CCDC148: variants seen among roughly 807,000 people sequenced by gnomAD.
The protein encoded by CCDC148 is coiled-coil domain-containing protein 148.
Under a neutral mutation model 85.7 loss-of-function variants are expected in CCDC148, and 89 were observed. The ratio of observed to expected loss-of-function variants is 1.04; its 90% CI spans 0.87 to 1.24. The LOEUF (loss-of-function observed/expected upper bound fraction) is 1.24, where lower values mean the gene tolerates loss of function less well. CCDC148 is among the 50% of genes most tolerant of loss of function. CCDC148 has a pLI of 0.00. For synonymous variants in CCDC148, 230 were observed against 213.9 expected (o/e 1.08, Z -0.66); for missense variants, 692 against 671.7 (o/e 1.03, Z -0.33).
intron 7 of CCDC148, among the ~76,000 whole-genome samples, chr2:158,331,007 C>T (rs918106026): frequency 2.0e-5 from 3 of 152,204 alleles, no homozygotes; most frequent in African/African-American, 7.2e-5. Context: ...TCTCTATTTC[C>T]TTCAGTTCTG....
In CCDC148 at chr2:158,403,256, T is replaced by C. The variant is rs192473842; in HGVS notation, c.26-44686A>G. Among the ~76,000 whole-genome samples the C allele has an allele frequency of 4.1e-4, 62 of 152,130 alleles. No individual in the cohort carries two copies. In the East Asian group the frequency reaches 9.1e-3, roughly 22 times the overall value. ...AAAATGTCTGTCAACTCCAATGATA[T>C]ATGATAGATTCACAGTAGATGTTGA... On this transcript the variant is annotated intron_variant, in intron 1 of 13. Coordinates refer to ENST00000283233, the MANE Select transcript of CCDC148 (RefSeq NM_138803.4).
At chr2:158,434,183 C>T (rs1023370022) in intron 1 of CCDC148, among the ~76,000 whole-genome samples, 1 of 152,184 alleles carries the variant, frequency 6.6e-6, no homozygotes, top group Non-Finnish European at 1.5e-5. Context: ...CAAGTGGGTC[C>T]CTGATCCCTG....
intron 9 of CCDC148, among the ~76,000 whole-genome samples, chr2:158,266,906 ACACACACATATATACATATATATG>A (rs745507750): frequency 2.7e-5 from 2 of 74,788 alleles, no homozygotes; most frequent in Non-Finnish European, 4.0e-5. Flanking sequence ...ATATATATAT[ACACACACATATATACATATATATG>A]CACACATATA....
chr2:158,336,407 T>G (rs988117439), intron 7 of CCDC148, among the ~76,000 whole-genome samples: 1 of 152,196 alleles, frequency 6.6e-6, no homozygotes, highest in Non-Finnish European at 1.5e-5. Flanking sequence ...ATATTTTCTT[T>G]AGTTGACATT....
intron 11 of CCDC148, among the ~76,000 whole-genome samples, chr2:158,216,291 T>C (rs1427234403): frequency 6.6e-6 from 1 of 152,024 alleles, no homozygotes. Context: ...TTTTTACATG[T>C]TTTATTTAAA....
At chr2:158,216,869 A>T (rs1332584724) in intron 11 of CCDC148, among the ~76,000 whole-genome samples, 2 of 152,186 alleles carry the variant, frequency 1.3e-5, no homozygotes. Flanking sequence ...CAGGCAGTGA[A>T]TGTGTTACAT....
chr2:158,209,764 G>T (rs34589603), intron 11 of CCDC148, among the ~76,000 whole-genome samples: 23,710 of 152,210 alleles, frequency 0.16, 2,398 homozygotes, highest in Middle Eastern at 0.24. Context: ...AGCTAATGCT[G>T]AGAGATTCTG....
At chr2:158,328,426 G>T (rs1257746318) in intron 7 of CCDC148, among the ~76,000 whole-genome samples, 1 of 152,138 alleles carries the variant, frequency 6.6e-6, no homozygotes, top group African/African-American at 2.4e-5. Context: ...TTGGACATCT[G>T]GGTTGGTTCC....
chr2:158,351,519 G>A (rs1269531702), intron 2 of CCDC148, among the ~76,000 whole-genome samples: 1 of 151,968 alleles, frequency 6.6e-6, no homozygotes, highest in African/African-American at 2.4e-5. Flanking sequence ...TTTTCCGACC[G>A]GCTTAAAAAC....
At chr2:158,351,637 C>T (rs903629294) in intron 2 of CCDC148, among the ~76,000 whole-genome samples, 3 of 152,132 alleles carry the variant, frequency 2.0e-5, no homozygotes, top group Non-Finnish European at 4.4e-5. Context: ...AAGGCGGCAG[C>T]GAGGCTGGGG....
At chr2:158,331,204 TTG>T (rs908227979) in intron 7 of CCDC148, among the ~76,000 whole-genome samples, 2 of 150,976 alleles carry the variant, frequency 1.3e-5, no homozygotes, top group African/African-American at 4.8e-5. Flanking sequence ...TTCTGGTAGG[TTG>T]TCTTTGTTCT....
chr2:158,328,475 C>CGT (rs1421175859), intron 7 of CCDC148, among the ~76,000 whole-genome samples: 1 of 152,086 alleles, frequency 6.6e-6, no homozygotes, highest in African/African-American at 2.4e-5. Context: ...AATAAACATA[C>CGT]GTGTGCATGT....
intron 8 of CCDC148, among the ~76,000 whole-genome samples, chr2:158,312,377 A>G (rs1315596418): frequency 6.6e-6 from 1 of 151,480 alleles, no homozygotes; most frequent in Non-Finnish European, 1.5e-5. Flanking sequence ...AGGTCAAGAG[A>G]TCGAGACCAT....
intron 1 of CCDC148, among the ~76,000 whole-genome samples, chr2:158,424,125 T>C (rs1374900696): frequency 1.3e-5 from 2 of 152,188 alleles, no homozygotes; most frequent in Non-Finnish European, 2.9e-5. Flanking sequence ...GGTGGGACTG[T>C]AAACTAGTTC....
At chr2:158,257,819 T>C (rs1386342718) in intron 9 of CCDC148, among the ~76,000 whole-genome samples, 1 of 151,880 alleles carries the variant, frequency 6.6e-6, no homozygotes, top group Admixed American at 6.6e-5. Flanking sequence ...CTAACCTTAG[T>C]GTAAAACAAA....
Position 158,340,376 on chromosome 2 carries a change from G to A in CCDC148, c.352C>T (p.Gln118Ter). Reference sequence around the variant, plus strand: ...ACATTTTTAAGATATGTGCACTGTTGTTCTGATAGCTCTTGCTCTATGGTG... The same window carrying A: ...ACATTTTTAAGATATGTGCACTGTTATTCTGATAGCTCTTGCTCTATGGTG... ...LTNFEQELSE[Q>*]QCTYLKNVIN... The change falls in exon 5 of 14, where the codon CAA becomes TAA. Residue 118 changes from glutamine to a stop codon, truncating the protein, a stop_gained. Coordinates refer to ENST00000283233, the MANE Select transcript of CCDC148 (RefSeq NM_138803.4). LOFTEE classifies it high-confidence loss of function. The A allele has an allele frequency of 6.2e-7, 1 of 1,613,706 alleles. No individual in the cohort carries two copies. Among genetic ancestry groups the A allele is most frequent in the Non-Finnish European group, 8.5e-7 (1 of 1,179,878 alleles).
intron 9 of CCDC148, among the ~76,000 whole-genome samples, chr2:158,298,451 C>G (rs1343049672): frequency 6.6e-6 from 1 of 151,928 alleles, no homozygotes; most frequent in African/African-American, 2.4e-5. Context: ...CTATTTTATT[C>G]TCTCTCTTCT....
chr2:158,219,179 G>A (rs1168960075), intron 11 of CCDC148, among the ~76,000 whole-genome samples: 2 of 152,194 alleles, frequency 1.3e-5, no homozygotes, highest in African/African-American at 4.8e-5. Context: ...AGAGTTCCAG[G>A]AAATTTTTTT....
At chr2:158,455,075 C>T (rs1688557933) in intron 1 of CCDC148, among the ~76,000 whole-genome samples, 1 of 152,150 alleles carries the variant, frequency 6.6e-6, no homozygotes, top group South Asian at 2.1e-4. Context: ...AACTTTCATT[C>T]ATTTGATGTT....
Sources: allele counts gnomAD v4.1 joint callset (sites outside exome capture counted in the v4.1 genomes callset), GRCh38; gene constraint gnomAD v4.1.1; transcripts MANE v1.5; gene names NCBI Gene and HGNC (gene_info 2026-07-23, HGNC 2026-07-21).